The following LRRFIP2 variants were observed in gnomAD, a reference collection of about 807,000 sequenced individuals.
The protein encoded by LRRFIP2 is leucine-rich repeat flightless-interacting protein 2.
A neutral mutation model predicts 125.9 loss-of-function variants in LRRFIP2; 109 were observed. The ratio of observed to expected loss-of-function variants is 0.87; its 90% CI spans 0.74 to 1.01. LRRFIP2 has a LOEUF of 1.01. LRRFIP2 is among the 50% of genes least tolerant of loss of function. The pLI is 0.00. For synonymous variants in LRRFIP2, 291 were observed against 293.1 expected (o/e 0.99, Z 0.07); for missense variants, 850 against 862.3 (o/e 0.99, Z 0.18).
chr3:37,124,420 A>C (rs1577019808), intron 4 of LRRFIP2, among the ~76,000 whole-genome samples: 1 of 152,190 alleles, frequency 6.6e-6, no homozygotes, highest in South Asian at 2.1e-4. Context: ...CTCATATAGA[A>C]AGGCAAAACA....
intron 25 of LRRFIP2, among the ~76,000 whole-genome samples, chr3:37,058,392 G>A (rs45562534): frequency 0.014 from 2,119 of 152,242 alleles, 20 homozygotes; most frequent in Middle Eastern, 0.024. Flanking sequence ...GCATATTAAC[G>A]GCCAGGCGCG....
In LRRFIP2 at chr3:37,103,947, A is replaced by AT. The variant is rs199612650; in HGVS notation, c.784-935dup. On this transcript the variant is annotated intron_variant, in intron 14 of 27. Coordinates refer to ENST00000336686, the MANE Select transcript of LRRFIP2 (RefSeq NM_006309.4). ...CATTTATTTAATTTTAAAATAAGTG[A>AT]TTTTTTTTTAACCTCATTCATCATC... Among the ~76,000 whole-genome samples, 981 of 151,462 alleles carry AT rather than the reference A, an allele frequency of 6.5e-3. 7 individuals carry two copies. Among genetic ancestry groups the AT allele is most frequent in the African/African-American group, 0.022 (889 of 41,328 alleles).
At chr3:37,156,239 C>T (rs534296551) in intron 1 of LRRFIP2, among the ~76,000 whole-genome samples, 2 of 151,976 alleles carry the variant, frequency 1.3e-5, no homozygotes, top group African/African-American at 4.8e-5. Flanking sequence ...CAGCACTCTG[C>T]GAGGCCGAGG....
chr3:37,121,377 T>C (rs2095030736), intron 6 of LRRFIP2, 115 bp downstream of exon 6: 7 of 928,520 alleles, frequency 7.5e-6, no homozygotes, highest in Non-Finnish European at 1.0e-5. Context: ...CAATATTTTA[T>C]ACTTCTTTTA....
At chr3:37,066,502 A>T in intron 21 of LRRFIP2, 177 bp from the exon 22 acceptor site, 1 of 591,984 alleles carries the variant, frequency 1.7e-6, no homozygotes. Context: ...ACATGGATAT[A>T]CATCTCCAGA....
At chr3:37,159,863 G>A (rs2096286862) in intron 1 of LRRFIP2, among the ~76,000 whole-genome samples, 1 of 150,428 alleles carries the variant, frequency 6.6e-6, no homozygotes, top group Non-Finnish European at 1.5e-5. Context: ...AGAAGGGGAG[G>A]AAAAAAAGGC....
chr3:37,101,668 GAAA>G (rs56878231), intron 15 of LRRFIP2, among the ~76,000 whole-genome samples: 1 of 128,374 alleles, frequency 7.8e-6, no homozygotes. Context: ...CTGTCACCAA[GAAA>G]AAAAAAAAAA....
intron 15 of LRRFIP2, among the ~76,000 whole-genome samples, chr3:37,100,448 CTG>C (rs1323987884): frequency 2.7e-5 from 4 of 145,488 alleles, no homozygotes; most frequent in Non-Finnish European, 5.9e-5. Flanking sequence ...ATGTGTGTGT[CTG>C]TGTGTGTATA....
intron 1 of LRRFIP2, among the ~76,000 whole-genome samples, chr3:37,149,812 CCAA>C (rs71802651): frequency 0.017 from 2,610 of 152,024 alleles, 80 homozygotes; most frequent in African/African-American, 0.059. Flanking sequence ...ACCAGCCTGG[CCAA>C]CATGGTAAAA....
At chr3:37,068,717 C>T (rs2148826356) in intron 21 of LRRFIP2, 1 of 152,230 alleles carries the variant, frequency 6.6e-6, no homozygotes, top group East Asian at 1.9e-4. Context: ...CAAATCCTAC[C>T]ACCCGGAAGC....
chr3:37,144,776 C>T (rs564405018), intron 2 of LRRFIP2, among the ~76,000 whole-genome samples: 41 of 152,254 alleles, frequency 2.7e-4, no homozygotes, highest in South Asian at 1.2e-3. Context: ...AATTGCCAGC[C>T]ACACATATGT....
Position 37,105,512 on chromosome 3 carries a change from A to C in LRRFIP2, c.726T>G (p.Asp242Glu). Residue 242 changes from aspartate to glutamate, a missense_variant, in exon 14 of 28, where the codon GAT becomes GAG. Asp to Glu is a conservative substitution (Grantham distance 45). Coordinates refer to ENST00000336686, the MANE Select transcript of LRRFIP2 (RefSeq NM_006309.4). ...CAGAAGACACAATGCTTGCAGTGTCATCGTTGGTAAACTATAGATATTAAA... is the reference window on the plus strand; with the variant it reads ...CAGAAGACACAATGCTTGCAGTGTCCTCGTTGGTAAACTATAGATATTAAA... The part of the protein sequence containing the change: ...SARSSPGFTN[D>E]DTASIVSSDR... The C allele has an allele frequency of 1.2e-6, 2 of 1,613,286 alleles. No individual in the cohort carries two copies. Among genetic ancestry groups the C allele is most frequent in the Non-Finnish European group, 1.7e-6 (2 of 1,179,248 alleles).
chr3:37,058,885 T>C lies in LRRFIP2; in HGVS notation c.1775A>G (p.Glu592Gly). ...SQIRKLKLQL[E>G]EERQKCSRND... ...CCTGGAGCATTTCTGTCGTTCCTCC[T>C]CTAACTGAAGCTTCAGTTTTCTAAT... is the stretch of plus-strand genomic sequence containing the variant. The change falls in exon 25 of 28, where the codon GAG (glutamate) becomes GGG (glycine). Residue 592 changes from glutamate (E) to glycine (G), a missense_variant. Physicochemically the swap from Glu to Gly is moderately conservative, Grantham distance 98 (BLOSUM62 -2). Transcript: ENST00000336686. 6.2e-7 allele frequency: 1 copy of C among 1,613,992 alleles called. No homozygotes were observed. The highest frequency in any genetic ancestry group is 8.5e-7 in the Non-Finnish European group (1 of 1,179,926).
chr3:37,133,136 A>T (rs1275882957), intron 2 of LRRFIP2, among the ~76,000 whole-genome samples: 1 of 152,184 alleles, frequency 6.6e-6, no homozygotes, highest in Non-Finnish European at 1.5e-5. Context: ...GAGGCATGAG[A>T]ATCACTTGAA....
chr3:37,127,552 A>G (rs1237308203), intron 4 of LRRFIP2, 78 bp downstream of exon 4: 1 of 1,430,470 alleles, frequency 7.0e-7, no homozygotes, highest in Non-Finnish European at 9.8e-7. Flanking sequence ...TTTGCAAACT[A>G]TTAGTTAATG....
chr3:37,166,109 A>G (rs532219586), intron 1 of LRRFIP2, among the ~76,000 whole-genome samples: 1 of 152,226 alleles, frequency 6.6e-6, no homozygotes, highest in African/African-American at 2.4e-5. Context: ...AGGCAGGCAG[A>G]TCACGAGGTC....
rs781305761 is a variant in LRRFIP2 at position 37,072,888 on chromosome 3, G to T, written c.1372-6C>A. On this transcript the variant is annotated splice_polypyrimidine_tract_variant and splice_region_variant and intron_variant, in intron 20 of 27. Transcript: ENST00000336686. ...TGCTGCATGCGCTGCTTCTCCTGCAGAGGAAGAGGGGAAGAGAAGTAATAA... is the reference window on the plus strand; with the variant it reads ...TGCTGCATGCGCTGCTTCTCCTGCATAGGAAGAGGGGAAGAGAAGTAATAA... 3.8e-6 allele frequency: 6 copies of T among 1,586,124 alleles called. No individual in the cohort carries two copies. Among genetic ancestry groups the T allele is most frequent in the Admixed American group, 1.7e-5 (1 of 59,278 alleles).
At chr3:37,139,730 G>A (rs557690930) in intron 2 of LRRFIP2, among the ~76,000 whole-genome samples, 1 of 152,000 alleles carries the variant, frequency 6.6e-6, no homozygotes, top group Non-Finnish European at 1.5e-5. Context: ...TCTCTTCTGG[G>A]TCTTTGCTCT....
At chr3:37,054,612 G>C (rs2086269425) in intron 26 of LRRFIP2, 97 bp from the exon 27 acceptor site, 1 of 763,482 alleles carries the variant, frequency 1.3e-6, no homozygotes, top group East Asian at 2.5e-5. Flanking sequence ...TAAATGCCAA[G>C]TAATCTACTA....
Sources: allele counts gnomAD v4.1 joint callset (sites outside exome capture counted in the v4.1 genomes callset), GRCh38; gene constraint gnomAD v4.1.1; transcripts MANE v1.5; gene names NCBI Gene and HGNC (gene_info 2026-07-23, HGNC 2026-07-21).